Variants in CPNE4 observed in about 807,000 individuals in gnomAD.
CPNE4 encodes the protein copine 4.
In CPNE4, 25 loss-of-function variants were observed where a neutral mutation model predicts 67.9. The ratio of observed to expected loss-of-function variants is 0.37; its 90% CI spans 0.27 to 0.51. The LOEUF is 0.51. Among genes scored for constraint, CPNE4 ranks in the 20% least tolerant of loss-of-function variants. The pLI is 0.93. For missense variants in CPNE4, 464 were observed against 690.8 expected, an observed-to-expected ratio of 0.67 and a Z score of 3.68; for synonymous variants, 242 against 244.9, an observed-to-expected ratio of 0.99 and a Z score of 0.11.
intron 5 of CPNE4, among the ~76,000 whole-genome samples, chr3:131,687,252 A>G (rs1177674806): frequency 6.6e-6 from 1 of 152,174 alleles, no homozygotes; most frequent in Non-Finnish European, 1.5e-5. Flanking sequence ...CATCCCTTTT[A>G]AAAACTTGAT....
intron 1 of CPNE4, among the ~76,000 whole-genome samples, chr3:131,971,201 T>C (rs1428147481): frequency 6.6e-6 from 1 of 152,162 alleles, no homozygotes; most frequent in African/African-American, 2.4e-5. Flanking sequence ...TCAGGGTAGT[T>C]AGATTTCTTA....
At chr3:131,891,331 A>T (rs1484248462) in intron 2 of CPNE4, among the ~76,000 whole-genome samples, 1 of 152,074 alleles carries the variant, frequency 6.6e-6, no homozygotes, top group East Asian at 1.9e-4. Context: ...TACATATTTT[A>T]AATATTAAAA....
chr3:131,771,937 A>G (rs931146276), intron 2 of CPNE4, among the ~76,000 whole-genome samples: 1 of 152,276 alleles, frequency 6.6e-6, no homozygotes, highest in East Asian at 1.9e-4. Context: ...ATTTCCAGAT[A>G]CAGTCATTTT....
chr3:131,871,884 T>C (rs2087224885), intron 2 of CPNE4, among the ~76,000 whole-genome samples: 1 of 152,180 alleles, frequency 6.6e-6, no homozygotes, highest in Non-Finnish European at 1.5e-5. Flanking sequence ...GCAGGAACAC[T>C]ATCGCCTCTA....
intron 6 of CPNE4, among the ~76,000 whole-genome samples, chr3:131,674,683 T>C (rs1022997606): frequency 2.0e-5 from 3 of 151,988 alleles, no homozygotes; most frequent in African/African-American, 7.2e-5. Context: ...GATTTAATTT[T>C]ATTTATTTGG....
At chr3:131,714,232 T>C (rs1004140254) in intron 3 of CPNE4, among the ~76,000 whole-genome samples, 1 of 152,152 alleles carries the variant, frequency 6.6e-6, no homozygotes, top group Non-Finnish European at 1.5e-5. Flanking sequence ...GCAACCTGGC[T>C]CATCCCGACA....
At chr3:131,861,684 C>T (rs762753342) in intron 2 of CPNE4, among the ~76,000 whole-genome samples, 1 of 152,130 alleles carries the variant, frequency 6.6e-6, no homozygotes, top group African/African-American at 2.4e-5. Flanking sequence ...CCACCGGCCT[C>T]GGCCTCACAA....
At chr3:131,617,602 C>T (rs1306339737) in intron 7 of CPNE4, among the ~76,000 whole-genome samples, 1 of 152,052 alleles carries the variant, frequency 6.6e-6, no homozygotes, top group African/African-American at 2.4e-5. Flanking sequence ...TTATCATAAC[C>T]CTCACTTTCT....
chr3:131,927,157 G>A (rs1225050), intron 1 of CPNE4, among the ~76,000 whole-genome samples: 107,235 of 152,046 alleles, frequency 0.71, 37,990 homozygotes, highest in Admixed American at 0.8. Context: ...CCTATTTTAC[G>A]GATGGGTAAA....
intron 9 of CPNE4, among the ~76,000 whole-genome samples, chr3:131,579,019 GGAA>G (rs142482806): frequency 0.036 from 5,489 of 152,244 alleles, 293 homozygotes; most frequent in African/African-American, 0.12. Flanking sequence ...TGTAGAACAA[GGAA>G]GAAGAAGATG....
chr3:131,958,609 CTTTTTTTTT>C (rs748126986), intron 1 of CPNE4, among the ~76,000 whole-genome samples: 1,107 of 95,848 alleles, frequency 0.012, 20 homozygotes, highest in African/African-American at 0.05. Context: ...TCTTTCTTTT[CTTTTTTTTT>C]TTTTTTTTTT....
rs1452552264 is a variant in CPNE4 at position 131,905,254 on chromosome 3, A to G, written c.180+10T>C. ...GCCATGGTTCTGTCCATTTCATTGG[A>G]CATGCCTACCTCAAACCACTGCCCA... On this transcript the variant is annotated intron_variant, in intron 2 of 15. Coordinates refer to ENST00000429747, the MANE Select transcript of CPNE4 (RefSeq NM_130808.3). The G allele has an allele frequency of 6.2e-7, 1 of 1,606,770 alleles. No individual in the cohort carries two copies. The highest frequency in any genetic ancestry group is 2.2e-5 in the East Asian group (1 of 44,702).
At chr3:131,870,528 G>C (rs746694985) in intron 2 of CPNE4, among the ~76,000 whole-genome samples, 1 of 152,128 alleles carries the variant, frequency 6.6e-6, no homozygotes, top group Non-Finnish European at 1.5e-5. Context: ...GGGAAAGGAA[G>C]TCAAGGAGAA....
At chr3:131,659,224 C>T (rs1420256887) in intron 7 of CPNE4, among the ~76,000 whole-genome samples, 1 of 152,170 alleles carries the variant, frequency 6.6e-6, no homozygotes, top group Non-Finnish European at 1.5e-5. Flanking sequence ...GTAGTGAGTC[C>T]TGTCAATTTG....
chr3:131,539,279 T>TAC lies in CPNE4; in HGVS notation c.1539+3276_1539+3277dup, dbSNP rs533333082. On this transcript the variant is annotated intron_variant, in intron 15 of 15. Coordinates refer to ENST00000429747, the MANE Select transcript of CPNE4 (RefSeq NM_130808.3). ...AGCACAGAGACTGTGAGCAGCACCC[T>TAC]ACTTCCTTGCTCTGCCCTGAGCATT... 3.7e-3 allele frequency among the ~76,000 whole-genome samples: 568 copies of TAC among 152,318 alleles called. 4 individuals carry two copies. The highest frequency in any genetic ancestry group is 0.013 in the African/African-American group (544 of 41,576).
intron 1 of CPNE4, among the ~76,000 whole-genome samples, chr3:132,007,803 C>G (rs1472045307): frequency 6.6e-6 from 1 of 152,182 alleles, no homozygotes; most frequent in African/African-American, 2.4e-5. Flanking sequence ...CTCACAGTCA[C>G]TTGCTCATGT....
chr3:131,986,926 G>A (rs1380229322), intron 1 of CPNE4, among the ~76,000 whole-genome samples: 1 of 150,202 alleles, frequency 6.7e-6, no homozygotes, highest in Non-Finnish European at 1.5e-5. Context: ...AATTTCAGCT[G>A]CATATTACAA....
chr3:131,972,821 A>G (rs1405306951), intron 1 of CPNE4, among the ~76,000 whole-genome samples: 1 of 152,134 alleles, frequency 6.6e-6, no homozygotes, highest in Non-Finnish European at 1.5e-5. Context: ...CATAAATGGG[A>G]AGGCTGGACC....
chr3:131,733,746 C>G (rs2082177934), intron 2 of CPNE4, among the ~76,000 whole-genome samples: 1 of 152,156 alleles, frequency 6.6e-6, no homozygotes, highest in African/African-American at 2.4e-5. Flanking sequence ...TCACTTCACT[C>G]AGATGTTGGT....
Sources: allele counts gnomAD v4.1 joint callset (sites outside exome capture counted in the v4.1 genomes callset), GRCh38; gene constraint gnomAD v4.1.1; transcripts MANE v1.5; gene names NCBI Gene and HGNC (gene_info 2026-07-23, HGNC 2026-07-21).